Variants in DAB1 observed in about 807,000 individuals in gnomAD.
The protein encoded by DAB1 is disabled homolog 1.
Under a neutral mutation model 64.6 loss-of-function variants are expected in DAB1, and 15 were observed. That is an observed-to-expected ratio of 0.23 (90% CI 0.16 to 0.36). The LOEUF is 0.36. DAB1 is among the 10% of genes least tolerant of loss of function. DAB1 has a pLI of 1.00. For synonymous variants in DAB1, 235 were observed against 251.9 expected (o/e 0.93, Z 0.64); for missense variants, 596 against 706.7 (o/e 0.84, Z 1.78).
At chr1:58,394,621 T>A (rs1312679755) in intron 3 of DAB1, among the ~76,000 whole-genome samples, 1 of 152,078 alleles carries the variant, frequency 6.6e-6, no homozygotes, top group Admixed American at 6.6e-5. Flanking sequence ...CATTGATGAG[T>A]CACAGAAACA....
chr1:57,131,259 T>C (rs1036492157), intron 4 of DAB1, among the ~76,000 whole-genome samples: 3 of 152,190 alleles, frequency 2.0e-5, no homozygotes, highest in African/African-American at 7.2e-5. Flanking sequence ...ATGACCAGGG[T>C]GGAACTTCAT....
At position 57,512,552 on chromosome 1, in the gene DAB1, A is replaced by C. The variant is rs1251878858; in HGVS notation, n.625+137040T>G. Among the ~76,000 whole-genome samples the C allele has an allele frequency of 2.0e-5, 3 of 152,236 alleles. No homozygotes were observed. In the East Asian group the frequency reaches 5.8e-4, roughly 29 times the overall value. ...GTCACTGCCAAAGAAGACAGACATT[A>C]TGTAATTAGGGAACACAGTACCAGC... On this transcript the variant is annotated intron_variant and non_coding_transcript_variant, in intron 7 of 20. Coordinates refer to the DAB1 transcript ENST00000485760.
intron 4 of DAB1, among the ~76,000 whole-genome samples, chr1:57,110,051 G>T (rs1239389957): frequency 6.6e-6 from 1 of 152,132 alleles, no homozygotes; most frequent in African/African-American, 2.4e-5. Flanking sequence ...GATCAACCTT[G>T]AGAGTAGTTT....
chr1:57,247,355 C>A (rs184584325), intron 2 of DAB1, among the ~76,000 whole-genome samples: 5 of 152,274 alleles, frequency 3.3e-5, no homozygotes, highest in African/African-American at 9.6e-5. Context: ...CTCTCTCCCT[C>A]CTGCTCTGCC....
chr1:58,189,909 T>G (rs1657293869), intron 4 of DAB1, among the ~76,000 whole-genome samples: 1 of 152,172 alleles, frequency 6.6e-6, no homozygotes, highest in Admixed American at 6.5e-5. Context: ...TCACCTGACA[T>G]GAAGTGGTAG....
chr1:58,016,942 C>T (rs909798898), intron 5 of DAB1, among the ~76,000 whole-genome samples: 10 of 152,136 alleles, frequency 6.6e-5, no homozygotes, highest in Admixed American at 1.3e-4. Context: ...ACAGCGAGCG[C>T]TCTGATCTTC....
At chr1:57,252,794 A>G (rs1285998784) in intron 2 of DAB1, among the ~76,000 whole-genome samples, 1 of 152,188 alleles carries the variant, frequency 6.6e-6, no homozygotes, top group Non-Finnish European at 1.5e-5. Context: ...GACAGCTGGG[A>G]TGGCTGGAGT....
At chr1:58,215,436 A>T (rs1372430832) in intron 4 of DAB1, among the ~76,000 whole-genome samples, 1 of 151,728 alleles carries the variant, frequency 6.6e-6, no homozygotes, top group Non-Finnish European at 1.5e-5. Flanking sequence ...TAATATTTCC[A>T]AAAGATATAT....
chr1:58,104,199 G>C (rs1481743407), intron 5 of DAB1, among the ~76,000 whole-genome samples: 1 of 152,184 alleles, frequency 6.6e-6, no homozygotes, highest in Non-Finnish European at 1.5e-5. Context: ...AGCCCCGAGG[G>C]AAAGGACTTC....
At chr1:57,225,539 A>G (rs1392379046) in intron 2 of DAB1, among the ~76,000 whole-genome samples, 4 of 152,188 alleles carry the variant, frequency 2.6e-5, no homozygotes, top group Admixed American at 1.3e-4. Flanking sequence ...GTTCTGCTCA[A>G]TACAGCTTTT....
At chr1:57,904,300 C>T (rs1055328487) in intron 5 of DAB1, among the ~76,000 whole-genome samples, 1 of 152,172 alleles carries the variant, frequency 6.6e-6, no homozygotes, top group Non-Finnish European at 1.5e-5. Context: ...AAATCCTTGC[C>T]TCTCCTTGAG....
rs140949648 is a variant in DAB1 at position 57,339,720 on chromosome 1, T to C, written c.-136-48554A>G. On this transcript the variant is annotated intron_variant, in intron 1 of 14. Transcript: ENST00000371236. ...AACACACACTATGTGCACACTACCATATTAAATGCTTTCAAGGATTATAAT... is the reference window on the plus strand; with the variant it reads ...AACACACACTATGTGCACACTACCACATTAAATGCTTTCAAGGATTATAAT... Among the ~76,000 whole-genome samples, 925 of 152,336 alleles carry C rather than the reference T, an allele frequency of 6.1e-3. 2 individuals carry two copies. Among genetic ancestry groups the C allele is most frequent in the Non-Finnish European group, 1.0e-2 (680 of 68,032 alleles).
chr1:57,187,048 AG>A (rs1663637885), intron 2 of DAB1, among the ~76,000 whole-genome samples: 1 of 152,172 alleles, frequency 6.6e-6, no homozygotes, highest in African/African-American at 2.4e-5. Context: ...CAGGAGGTAA[AG>A]TTTCTGCTTT....
chr1:57,511,206 C>T (rs760812916), intron 7 of DAB1, among the ~76,000 whole-genome samples: 4 of 152,168 alleles, frequency 2.6e-5, no homozygotes, highest in Admixed American at 6.5e-5. Context: ...TGTGCCCCTT[C>T]CATGCATGAA....
intron 3 of DAB1, among the ~76,000 whole-genome samples, chr1:58,400,137 T>C (rs982325529): frequency 5.9e-5 from 9 of 151,910 alleles, no homozygotes; most frequent in South Asian, 4.2e-4. Flanking sequence ...CAGGCAGGGC[T>C]TTCTCTGGTC....
intron 7 of DAB1, among the ~76,000 whole-genome samples, chr1:57,547,075 C>T (rs1314023340): frequency 1.3e-5 from 2 of 150,640 alleles, no homozygotes; most frequent in East Asian, 3.9e-4. Flanking sequence ...AATGAAAAAA[C>T]CAGAAGTGAG....
rs973770674 is a variant in DAB1 at position 57,349,348 on chromosome 1, A to AT, written c.-136-58183dup. Among the ~76,000 whole-genome samples the AT allele has an allele frequency of 5.9e-5, 9 of 152,094 alleles. No homozygotes were observed. The East Asian group carries it at 1.2e-3, about 20-fold the overall frequency. ...CCCACTGTATTCTGGGTAAGAAGAGATTTTTTTGGTGTGTGTGTGTGGCAG... is the reference window on the plus strand; with the variant it reads ...CCCACTGTATTCTGGGTAAGAAGAGATTTTTTTTGGTGTGTGTGTGTGGCAG... On this transcript the variant is annotated intron_variant, in intron 1 of 14. Transcript: ENST00000371236.
intron 2 of DAB1, among the ~76,000 whole-genome samples, chr1:58,509,663 T>C (rs1489985080): frequency 7.2e-6 from 1 of 138,166 alleles, no homozygotes; most frequent in Non-Finnish European, 1.6e-5. Flanking sequence ...GATTAGAGCA[T>C]AAATAAAGAA....
At chr1:57,132,100 C>T (rs1235841527) in intron 4 of DAB1, among the ~76,000 whole-genome samples, 1 of 152,100 alleles carries the variant, frequency 6.6e-6, no homozygotes, top group African/African-American at 2.4e-5. Context: ...CCTCCACTGC[C>T]AAGTCAGTGA....
Sources: gnomAD v4.1 joint callset for allele counts (sites outside exome capture counted in the v4.1 genomes callset) on GRCh38, gnomAD v4.1.1 for gene constraint, MANE v1.5 for transcripts, NCBI Gene and HGNC (gene_info 2026-07-23, HGNC 2026-07-21) for gene names.